Variants in PCSK4 observed in about 807,000 individuals in gnomAD.
PCSK4 encodes the protein proprotein convertase subtilisin/kexin type 4, also known as testicular tissue protein Li 135.
Under a neutral mutation model 80.3 loss-of-function variants are expected in PCSK4, and 64 were observed. The ratio of observed to expected loss-of-function variants is 0.80; its 90% confidence interval spans 0.65 to 0.98. PCSK4 has a LOEUF of 0.98. Ranked by LOEUF, PCSK4 falls within the 50% of genes least tolerant of loss-of-function variation. The pLI is 0.00. For missense variants in PCSK4, 1,213 were observed against 1,093.6 expected (o/e 1.11, Z -1.54); for synonymous variants, 561 against 487.6 (o/e 1.15, Z -1.98).
chr19:1,484,084 C>T, exon 9 of PCSK4: 1 of 1,566,688 alleles, frequency 6.4e-7, no homozygotes. Flanking sequence ...GGCCGAGGTG[C>T]CCGTGTGCTG....
chr19:1,490,640 A>G, upstream of PCSK4: 1 of 388,834 alleles, frequency 2.6e-6, no homozygotes, highest in Non-Finnish European at 4.6e-6. Context: ...AACGCGTCCT[A>G]CCCTTTGTTT....
chr19:1,486,945 T>G, exon 8 of PCSK4: 3 of 1,607,226 alleles, frequency 1.9e-6, no homozygotes, highest in Non-Finnish European at 2.5e-6. Context: ...CCCTGCTGGG[T>G]GGTGCTGCCC....
chr19:1,482,179 T>C (rs746026410), exon 15 of PCSK4: 2 of 1,552,654 alleles, frequency 1.3e-6, no homozygotes, highest in South Asian at 1.2e-5. Context: ...GGCAGAGCTG[T>C]CCCAGGATGT....
At chr19:1,486,780 G>C in intron 8 of PCSK4, 73 bp downstream of exon 8, 1 of 1,278,808 alleles carries the variant, frequency 7.8e-7, no homozygotes, top group Non-Finnish European at 1.1e-6. Flanking sequence ...AGTCACAGTG[G>C]TGGGGACAGG....
At chr19:1,488,114 T>C (rs778570401) in intron 3 of PCSK4, 22 bp from the exon 4 acceptor site, 2 of 1,612,754 alleles carry the variant, frequency 1.2e-6, no homozygotes, top group Non-Finnish European at 1.7e-6. Flanking sequence ...GGCGGGGTTG[T>C]GACCCTGTGA....
exon 8 of PCSK4, chr19:1,486,908 C>T (rs150360487): frequency 1.6e-4 from 263 of 1,602,432 alleles, no homozygotes; most frequent in Admixed American, 2.2e-4. Context: ...GGTGGAGGCG[C>T]AGGCTTCGCT....
intron 8 of PCSK4, among the ~76,000 whole-genome samples, chr19:1,484,379 C>G (rs1395588468): frequency 6.6e-6 from 1 of 151,096 alleles, no homozygotes; most frequent in Non-Finnish European, 1.5e-5. Context: ...TCCAGCTACT[C>G]GGGAGGCTGA....
exon 12 of PCSK4, chr19:1,483,402 A>C: frequency 6.2e-7 from 1 of 1,601,194 alleles, no homozygotes; most frequent in Non-Finnish European, 8.5e-7. Flanking sequence ...GAGCGGATGG[A>C]GTTGTGGAGG....
chr19:1,481,957 G>T, exon 15 of PCSK4: 1 of 1,594,586 alleles, frequency 6.3e-7, no homozygotes. Flanking sequence ...GGGGGCGGCT[G>T]TCGGGGGTGG....
At position 1,482,397 on chromosome 19, in the gene PCSK4, G is replaced by A. The variant is rs61733913; in HGVS notation, c.1775C>T (p.Thr592Ile). Residue 592 changes from threonine (T) to isoleucine (I), a missense_variant, in exon 14 of 15, where the codon ACC (threonine) becomes ATC (isoleucine). Physicochemically the swap from Thr to Ile is moderately conservative, Grantham distance 89. Transcript: ENST00000300954. Reference sequence around the variant, plus strand: ...GTCCCGCTGCACACACGCGCTGCTGGTCACCTGGGGGCCTGTAGGCCGCGC... The same window carrying A: ...GTCCCGCTGCACACACGCGCTGCTGATCACCTGGGGGCCTGTAGGCCGCGC... 6.8e-3 allele frequency: 10,809 copies of A among 1,594,114 alleles called. 38 individuals carry two copies. Among genetic ancestry groups the A allele is most frequent in the Non-Finnish European group, 8.3e-3 (9,793 of 1,173,614 alleles).
In PCSK4 at chr19:1,483,294, C is replaced by T. The variant is rs748909784; in HGVS notation, c.1561G>A (p.Val521Met). 2 of 1,598,036 alleles carry T rather than the reference C, an allele frequency of 1.3e-6. No individual in the cohort carries two copies. Among genetic ancestry groups the T allele is most frequent in the Middle Eastern group, 1.7e-4 (1 of 5,776 alleles). The change falls in exon 12 of 15, where the codon GTG becomes ATG. Residue 521 changes from valine (V) to methionine (M), a missense_variant. By Grantham distance (21) the Val-to-Met change is conservative. Coordinates refer to ENST00000300954, the Ensembl canonical transcript of PCSK4. ...CTGCGGGCCGCTCACCGTATGGCCA[C>T]GAGTGTGGAGCGCGTGCCCATGGGG...
chr19:1,489,214 C>T (rs2084805208), intron 2 of PCSK4, among the ~76,000 whole-genome samples: 1 of 150,758 alleles, frequency 6.6e-6, no homozygotes, highest in Non-Finnish European at 1.5e-5. Context: ...TCACTGCAAG[C>T]TCCGCCTCCC....
intron 4 of PCSK4, 25 bp from the exon 5 acceptor site, chr19:1,487,886 G>T: frequency 6.4e-7 from 1 of 1,557,100 alleles, no homozygotes; most frequent in Non-Finnish European, 8.7e-7. Context: ...GGATATGAGG[G>T]GGCCGGGAGG....
At position 1,483,633 on chromosome 19, in the gene PCSK4, G is replaced by A. The variant is rs372126124; in HGVS notation, c.1391+17C>T. ...CACCCCCAGCGGGGATAGCGGAGGG[G>A]CGCGCAGGGGTCTCACGTGGGGCGG... is the stretch of plus-strand genomic sequence containing the variant. On this transcript the variant is annotated intron_variant, in intron 11 of 14. Transcript: ENST00000300954. 3.2e-6 allele frequency: 5 copies of A among 1,554,448 alleles called. No individual in the cohort carries two copies. Among genetic ancestry groups the A allele is most frequent in the South Asian group, 1.2e-5 (1 of 86,572 alleles).
chr19:1,484,117 T>A, exon 9 of PCSK4: 1 of 1,558,552 alleles, frequency 6.4e-7, no homozygotes, highest in South Asian at 1.2e-5. Context: ...GTGATGCAGG[T>A]CCGTGGTGAC....
At chr19:1,486,778 T>G (rs775998619) in intron 8 of PCSK4, 75 bp downstream of exon 8, 3 of 1,252,604 alleles carry the variant, frequency 2.4e-6, no homozygotes, top group Non-Finnish European at 3.4e-6. Context: ...TAAGTCACAG[T>G]GGTGGGGACA....
At chr19:1,483,054 CA>C in intron 12 of PCSK4, 34 bp from the exon 13 acceptor site, 1 of 1,490,556 alleles carries the variant, frequency 6.7e-7, no homozygotes, top group East Asian at 2.4e-5. Context: ...GTGGGGGTGT[CA>C]AGAGGGATGG....
At chr19:1,485,565 C>A (rs1450633655) in intron 8 of PCSK4, among the ~76,000 whole-genome samples, 1 of 151,858 alleles carries the variant, frequency 6.6e-6, no homozygotes, top group Non-Finnish European at 1.5e-5. Context: ...CAGAGCGAGA[C>A]TCCATCTCAA....
At chr19:1,487,823 C>T (rs766383318) in exon 5 of PCSK4, 38 of 1,564,848 alleles carry the variant, frequency 2.4e-5, no homozygotes, top group Middle Eastern at 1.7e-4. Context: ...GCTGGGGGTC[C>T]GGGTCGTAGT....
Sources: gnomAD v4.1 joint callset for allele counts (sites outside exome capture counted in the v4.1 genomes callset) on GRCh38, gnomAD v4.1.1 for gene constraint, MANE v1.5 for transcripts, NCBI Gene and HGNC (gene_info 2026-07-23, HGNC 2026-07-21) for gene names.